IL22RA2: variants seen among roughly 807,000 people sequenced by gnomAD.
The protein encoded by IL22RA2 is interleukin-22 receptor subunit alpha-2.
In IL22RA2, 39 loss-of-function variants were observed where a neutral mutation model predicts 30.7. That is an observed-to-expected ratio of 1.27 (90% confidence interval 0.98 to 1.66). The LOEUF (loss-of-function observed/expected upper bound fraction) is 1.66, where lower values mean the gene tolerates loss of function less well. Ranked by LOEUF, IL22RA2 falls within the 40% of genes most tolerant of loss-of-function variation. The probability of loss-of-function intolerance (pLI) is 0.00; values close to 1 mark genes in which losing one functional copy is unlikely to be tolerated. For missense variants in IL22RA2, 315 were observed against 312.7 expected (o/e 1.01, Z -0.05); for synonymous variants, 103 against 105.0 (o/e 0.98, Z 0.11).
rs1031756607 is a variant in IL22RA2, at chr6:137,143,900, T to A, written c.*1724A>T. 6.6e-6 allele frequency: 1 copy of A among 152,222 alleles called. No individual in the cohort carries two copies. Among genetic ancestry groups the A allele is most frequent in the Admixed American group, 6.5e-5 (1 of 15,288 alleles). The allele number at this position is 152,222 out of a possible 1,614,324, so 9.4% of individuals were successfully genotyped here. ...AAGAAGATGACAATTATGATTTCCA[T>A]AGAGTATTTTGCACTTGCCTAAGCA... On this transcript the variant is annotated 3_prime_UTR_variant, in exon 7 of 7. Transcript: ENST00000296980.
intron 5 of IL22RA2, among the ~76,000 whole-genome samples, chr6:137,153,157 G>C (rs563268929): frequency 6.6e-6 from 1 of 152,242 alleles, no homozygotes; most frequent in South Asian, 2.1e-4. Context: ...CATAGATGTA[G>C]TCAATGCCTT....
At position 137,145,679 on chromosome 6, in the gene IL22RA2, G is replaced by T. The variant is rs1778163784; in HGVS notation, c.737C>A (p.Pro246His). ...TCTCTGACTTCTTCTGTCTAACATG[G>T]GCTGATATATTTCAGCCACTACACA... The part of the protein sequence containing the change: ...SYCVVAEIYQ[P>H]MLDRRSQRSE... Residue 246 changes from proline to histidine, a missense_variant, in exon 7 of 7, where the codon CCC (proline) becomes CAC (histidine). Physicochemically the swap from Pro to His is moderately conservative, Grantham distance 77. Transcript: ENST00000296980. The T allele has an allele frequency of 6.2e-7, 1 of 1,613,200 alleles. No individual in the cohort carries two copies. Among genetic ancestry groups the T allele is most frequent in the Non-Finnish European group, 8.5e-7 (1 of 1,179,636 alleles).
chr6:137,146,327 T>C (rs1433762268), intron 6 of IL22RA2, among the ~76,000 whole-genome samples: 1 of 152,132 alleles, frequency 6.6e-6, no homozygotes, highest in Admixed American at 6.6e-5. Flanking sequence ...CCACCCCACC[T>C]GGCCTTCTTT....
chr6:137,168,774 GA>G (rs1210569870), intron 1 of IL22RA2, among the ~76,000 whole-genome samples: 15 of 152,176 alleles, frequency 9.9e-5, no homozygotes, highest in Admixed American at 3.3e-4. Flanking sequence ...ACTAACCTTT[GA>G]TCAGGCAGGA....
At chr6:137,148,253 GT>G (rs1004834707) in intron 5 of IL22RA2, among the ~76,000 whole-genome samples, 13 of 150,964 alleles carry the variant, frequency 8.6e-5, no homozygotes, top group Non-Finnish European at 1.5e-4. Flanking sequence ...TTGGTTTTGG[GT>G]TTTTTTTTGA....
chr6:137,157,452 AAGATGG>A (rs71739317), intron 3 of IL22RA2, among the ~76,000 whole-genome samples: 10,672 of 152,216 alleles, frequency 0.07, 883 homozygotes, highest in African/African-American at 0.2. Flanking sequence ...GTAGCGGTTA[AAGATGG>A]AGATGCTTCT....
chr6:137,151,362 C>T (rs1235959702), intron 5 of IL22RA2, among the ~76,000 whole-genome samples: 8 of 152,232 alleles, frequency 5.3e-5, no homozygotes, highest in Admixed American at 1.3e-4. Flanking sequence ...AGTCATATGT[C>T]AAAGAATAAT....
At chr6:137,156,119 A>T (rs866471231) in intron 4 of IL22RA2, among the ~76,000 whole-genome samples, 7 of 152,190 alleles carry the variant, frequency 4.6e-5, no homozygotes, top group African/African-American at 1.4e-4. Context: ...GAATCCCATG[A>T]AAAAAGGTAG....
At chr6:137,171,825 C>T (rs1778740672) in intron 1 of IL22RA2, among the ~76,000 whole-genome samples, 1 of 152,144 alleles carries the variant, frequency 6.6e-6, no homozygotes, top group Non-Finnish European at 1.5e-5. Context: ...TGAGGCCAGC[C>T]CTATGTGGAA....
intron 2 of IL22RA2, among the ~76,000 whole-genome samples, chr6:137,159,139 C>A (rs1778468344): frequency 6.6e-6 from 1 of 152,190 alleles, no homozygotes; most frequent in Admixed American, 6.5e-5. Flanking sequence ...CTAATCATGG[C>A]ATGGCATGGG....
chr6:137,153,337 T>C (rs1778330670), intron 5 of IL22RA2, among the ~76,000 whole-genome samples: 1 of 152,074 alleles, frequency 6.6e-6, no homozygotes, highest in African/African-American at 2.4e-5. Flanking sequence ...GAAAACTCAG[T>C]TTGAGAGACG....
intron 6 of IL22RA2, among the ~76,000 whole-genome samples, chr6:137,146,798 G>A (rs1378200820): frequency 1.3e-5 from 2 of 152,114 alleles, no homozygotes; most frequent in African/African-American, 4.8e-5. Context: ...TTTAAGACCA[G>A]CCCGGGCAAC....
chr6:137,167,316 GGTCC>G (rs1225320181), intron 1 of IL22RA2, among the ~76,000 whole-genome samples: 1 of 152,174 alleles, frequency 6.6e-6, no homozygotes, highest in Non-Finnish European at 1.5e-5. Context: ...TGCTGCCCAT[GGTCC>G]TTCTCTGAGT....
intron 2 of IL22RA2, among the ~76,000 whole-genome samples, chr6:137,159,802 C>A (rs1778485774): frequency 6.6e-6 from 1 of 152,150 alleles, no homozygotes; most frequent in Non-Finnish European, 1.5e-5. Context: ...TGGCTCATTT[C>A]TCCACCTCCT....
intron 1 of IL22RA2, among the ~76,000 whole-genome samples, chr6:137,168,564 G>C (rs552637610): frequency 6.6e-6 from 1 of 152,280 alleles, no homozygotes; most frequent in African/African-American, 2.4e-5. Context: ...GGCCATAATA[G>C]GAGAGTCCGA....
intron 6 of IL22RA2, among the ~76,000 whole-genome samples, chr6:137,147,430 T>TAA (rs1467901127): frequency 6.6e-6 from 1 of 151,670 alleles, no homozygotes; most frequent in Non-Finnish European, 1.5e-5. Flanking sequence ...GCAAAGCCCG[T>TAA]AAAAATGAAT....
At chr6:137,162,266 T>C (rs1778535246) in intron 1 of IL22RA2, among the ~76,000 whole-genome samples, 1 of 152,192 alleles carries the variant, frequency 6.6e-6, no homozygotes, top group Non-Finnish European at 1.5e-5. Flanking sequence ...GGGTCTATCG[T>C]TGATTCACTC....
chr6:137,145,632 T>C lies in IL22RA2; in HGVS notation c.784A>G (p.Ile262Val), dbSNP rs776728358. Reference sequence around the variant, plus strand: ...ATGCCAAATTCCACAAGTCATGGAATTTCCACACATCTCTCTTCACTTCTC... The same window carrying C: ...ATGCCAAATTCCACAAGTCATGGAACTTCCACACATCTCTCTTCACTTCTC... ...SQRSEERCVE[I>V]P Residue 262 changes from isoleucine to valine, a missense_variant, in exon 7 of 7, where the codon ATT becomes GTT. Transcript: ENST00000296980. The C allele has an allele frequency of 6.2e-6, 10 of 1,605,602 alleles. No individual in the cohort carries two copies. In the African/African-American group the frequency reaches 1.3e-4, roughly 21 times the overall value.
At position 137,156,840 on chromosome 6, in the gene IL22RA2, C is replaced by A. The variant is rs1421348503; in HGVS notation, c.212G>T (p.Ser71Ile). Residue 71 changes from serine to isoleucine, a missense_variant, in exon 4 of 7, where the codon AGC becomes ATC. Coordinates refer to ENST00000296980, the MANE Select transcript of IL22RA2 (RefSeq NM_052962.3). ...FVQYKIMFSC[S>I]MKSSHQKPSG... is the part of the protein sequence containing the mutation. ...TGGCTTCTGGTGAGAGCTTTTCATG[C>A]TGCATGAGAACATGCTAGAGAAGGT... The A allele has an allele frequency of 1.2e-6, 2 of 1,613,502 alleles. No homozygotes were observed. The highest frequency in any genetic ancestry group is 1.1e-5 in the South Asian group (1 of 91,066).
Sources: allele counts gnomAD v4.1 joint callset (sites outside exome capture counted in the v4.1 genomes callset), GRCh38; gene constraint gnomAD v4.1.1; transcripts MANE v1.5; gene names NCBI Gene and HGNC (gene_info 2026-07-23, HGNC 2026-07-21).